WDPCP: variants seen among roughly 807,000 people sequenced by gnomAD.
WDPCP encodes WD repeat-containing and planar cell polarity effector protein fritz homolog.
A neutral mutation model predicts 93.1 loss-of-function variants in WDPCP; 71 were observed. The observed-to-expected ratio is 0.76, with a 90% CI of 0.63 to 0.93. WDPCP has a LOEUF of 0.93. Among genes scored for constraint, WDPCP ranks in the 40% least tolerant of loss-of-function variants. WDPCP has a pLI of 0.00. For missense variants in WDPCP, 844 were observed against 887.4 expected (o/e 0.95, Z 0.62); for synonymous variants, 315 against 315.0 (o/e 1.00, Z 0.00).
chr2:63,434,860 G>A (rs529818751), intron 8 of WDPCP, among the ~76,000 whole-genome samples: 12 of 152,190 alleles, frequency 7.9e-5, no homozygotes, highest in Admixed American at 2.6e-4. Context: ...GCAGTAATGC[G>A]ATAATGCCAG....
intron 1 of WDPCP, among the ~76,000 whole-genome samples, chr2:63,505,386 G>C (rs1485821756): frequency 1.3e-5 from 2 of 151,962 alleles, no homozygotes; most frequent in African/African-American, 2.4e-5. Context: ...GATCAATTTC[G>C]CCGTACTATA....
At chr2:63,146,278 T>C (rs1348414238) in intron 17 of WDPCP, among the ~76,000 whole-genome samples, 3 of 152,210 alleles carry the variant, frequency 2.0e-5, no homozygotes, top group Non-Finnish European at 4.4e-5. Flanking sequence ...ATCCTTGTCT[T>C]GTGTCAGTTT....
At chr2:63,180,680 C>G (rs1225667888) in intron 14 of WDPCP, among the ~76,000 whole-genome samples, 1 of 151,922 alleles carries the variant, frequency 6.6e-6, no homozygotes, top group Non-Finnish European at 1.5e-5. Flanking sequence ...AATTATTTTT[C>G]CTTTGGGTAG....
At chr2:63,544,118 T>C (rs1249169512) in intron 1 of WDPCP, among the ~76,000 whole-genome samples, 11 of 152,146 alleles carry the variant, frequency 7.2e-5, no homozygotes, top group African/African-American at 2.7e-4. Flanking sequence ...TAATTCTTAT[T>C]TCCAAAGAGT....
At chr2:63,745,648 AC>A (rs1669783843) in intron 2 of WDPCP, among the ~76,000 whole-genome samples, 1 of 145,754 alleles carries the variant, frequency 6.9e-6, no homozygotes, top group South Asian at 2.1e-4. Context: ...GCACTTACAC[AC>A]ACACACACAC....
chr2:63,493,046 A>G, intron 1 of WDPCP, 106 bp from the exon 2 acceptor site: 2 of 928,176 alleles, frequency 2.2e-6, no homozygotes, highest in Admixed American at 2.1e-5. Flanking sequence ...CACAACTGTT[A>G]TTTGAAATAT....
chr2:63,343,930 C>T lies in WDPCP; in HGVS notation c.1749-30619G>A, dbSNP rs912868629. On this transcript the variant is annotated intron_variant, in intron 12 of 17. Transcript: ENST00000272321. ...CTGAGGCATCATTATCCTGGTTTCC[C>T]TTAGTTTACTGTCCATGGTTTCCTT... Among the ~76,000 whole-genome samples the T allele has an allele frequency of 3.3e-5, 5 of 152,024 alleles. No homozygotes were observed. The South Asian group carries it at 8.3e-4, about 25-fold the overall frequency.
chr2:63,669,075 G>C (rs762117252), intron 2 of WDPCP, among the ~76,000 whole-genome samples: 6 of 152,146 alleles, frequency 3.9e-5, no homozygotes, highest in Non-Finnish European at 8.8e-5. Context: ...CGAATGCTTA[G>C]GTCAGTAACA....
intron 13 of WDPCP, among the ~76,000 whole-genome samples, chr2:63,310,600 A>C (rs1442250827): frequency 1.3e-5 from 2 of 152,174 alleles, no homozygotes; most frequent in African/African-American, 4.8e-5. Flanking sequence ...ACACAGCCAA[A>C]CTTATTTCTG....
chr2:63,318,689 C>T (rs1366723380), intron 12 of WDPCP, among the ~76,000 whole-genome samples: 2 of 152,126 alleles, frequency 1.3e-5, no homozygotes, highest in African/African-American at 4.8e-5. Context: ...CCCATGTTCT[C>T]TCTTATAAGT....
At chr2:63,473,973 A>C (rs184170239) in intron 6 of WDPCP, among the ~76,000 whole-genome samples, 74 of 152,278 alleles carry the variant, frequency 4.9e-4, no homozygotes, top group African/African-American at 1.7e-3. Flanking sequence ...TAGTTGTGTA[A>C]TTAATCCTTA....
chr2:63,533,215 C>A lies in WDPCP; in HGVS notation c.76-40275G>T, dbSNP rs189126567. On this transcript the variant is annotated intron_variant, in intron 1 of 17. Coordinates refer to ENST00000272321, the MANE Select transcript of WDPCP (RefSeq NM_015910.7). ...GAGCACCCAGATTCATAAAGCAAGT[C>A]CTTAGAGACCTACAAAGAGCTTAGA... is the stretch of plus-strand genomic sequence containing the variant. 3.3e-3 allele frequency among the ~76,000 whole-genome samples: 507 copies of A among 152,202 alleles called. 3 individuals are homozygous for A. The highest frequency in any genetic ancestry group is 5.5e-3 in the Non-Finnish European group (375 of 67,996).
intron 6 of WDPCP, chr2:63,441,697 A>C (rs1270734368): frequency 6.6e-6 from 1 of 152,064 alleles, no homozygotes; most frequent in African/African-American, 2.4e-5. Context: ...TTCCTTCTGC[A>C]GCATCCCTTC....
chr2:63,593,474 G>C, upstream of WDPCP: 1 of 448,892 alleles, frequency 2.2e-6, no homozygotes, highest in South Asian at 1.6e-5. Context: ...CTAACTTTCA[G>C]AGCTTAGTGT....
chr2:63,420,724 G>T (rs1443436742), intron 9 of WDPCP, among the ~76,000 whole-genome samples: 1 of 152,104 alleles, frequency 6.6e-6, no homozygotes, highest in Non-Finnish European at 1.5e-5. Context: ...AAAATTTTAT[G>T]TAAATGTTAT....
intron 1 of WDPCP, among the ~76,000 whole-genome samples, chr2:63,575,956 T>G (rs577720677): frequency 6.6e-6 from 1 of 152,268 alleles, no homozygotes; most frequent in South Asian, 2.1e-4. Context: ...TAATTTGGCA[T>G]TAAGAGTTTA....
intron 1 of WDPCP, among the ~76,000 whole-genome samples, chr2:63,497,463 T>G (rs1425644884): frequency 6.6e-6 from 1 of 152,152 alleles, no homozygotes; most frequent in Non-Finnish European, 1.5e-5. Flanking sequence ...AGGAAGATAG[T>G]CAAATGTGGG....
At chr2:63,261,577 T>C (rs564737597) in intron 13 of WDPCP, among the ~76,000 whole-genome samples, 1 of 152,288 alleles carries the variant, frequency 6.6e-6, no homozygotes, top group South Asian at 2.1e-4. Flanking sequence ...AAGATTTTGA[T>C]GATAGGAAAC....
chr2:63,591,732 C>T (rs1302302482), upstream of WDPCP, among the ~76,000 whole-genome samples: 1 of 152,106 alleles, frequency 6.6e-6, no homozygotes, highest in Non-Finnish European at 1.5e-5. Flanking sequence ...TTCTCAAGAG[C>T]GCTTCATGGC....
Sources: allele counts gnomAD v4.1 joint callset (sites outside exome capture counted in the v4.1 genomes callset), GRCh38; gene constraint gnomAD v4.1.1; transcripts MANE v1.5; gene names NCBI Gene and HGNC (gene_info 2026-07-23, HGNC 2026-07-21).